MLLT3: variants seen among roughly 807,000 people sequenced by gnomAD.
MLLT3 encodes the protein protein AF-9.
In MLLT3, 4 loss-of-function variants were observed where a neutral mutation model predicts 53.2. The observed-to-expected ratio is 0.08, with a 90% CI of 0.04 to 0.17. MLLT3 has a LOEUF of 0.17. MLLT3 is among the 10% of genes least tolerant of loss of function. The pLI is 1.00. For missense variants in MLLT3, 569 were observed against 684.0 expected (o/e 0.83, Z 1.87); for synonymous variants, 283 against 230.6 (o/e 1.23, Z -2.06).
At chr9:20,347,642 T>C (rs1044481238) in intron 10 of MLLT3, among the ~76,000 whole-genome samples, 4 of 152,162 alleles carry the variant, frequency 2.6e-5, no homozygotes, top group African/African-American at 7.2e-5. Context: ...GGATGCTGTA[T>C]CTGGGCAGTG....
intron 2 of MLLT3, among the ~76,000 whole-genome samples, chr9:20,462,269 A>G (rs954040239): frequency 1.3e-5 from 2 of 152,234 alleles, no homozygotes; most frequent in African/African-American, 4.8e-5. Flanking sequence ...GATTATTCCT[A>G]AAGAACAAAA....
chr9:20,347,361 C>T (rs1820903114), intron 10 of MLLT3, among the ~76,000 whole-genome samples: 1 of 152,032 alleles, frequency 6.6e-6, no homozygotes. Context: ...TTAAGGTATT[C>T]AATTAAATAG....
intron 2 of MLLT3, among the ~76,000 whole-genome samples, chr9:20,506,400 C>T (rs1825382434): frequency 6.6e-6 from 1 of 152,164 alleles, no homozygotes; most frequent in Non-Finnish European, 1.5e-5. Context: ...AGACTGCTGG[C>T]TCTCCCTTTC....
intron 2 of MLLT3, among the ~76,000 whole-genome samples, chr9:20,513,259 T>C (rs1012210979): frequency 4.6e-5 from 7 of 152,202 alleles, no homozygotes; most frequent in African/African-American, 1.7e-4. Flanking sequence ...GTCTGACCTG[T>C]GTCCAGTTTA....
intron 4 of MLLT3, among the ~76,000 whole-genome samples, chr9:20,424,957 A>T (rs1823106803): frequency 6.6e-6 from 1 of 152,172 alleles, no homozygotes; most frequent in African/African-American, 2.4e-5. Context: ...AGCAGGAACT[A>T]TGTGAGTGCT....
chr9:20,509,002 A>G (rs1825452704), intron 2 of MLLT3, among the ~76,000 whole-genome samples: 1 of 152,340 alleles, frequency 6.6e-6, no homozygotes, highest in Admixed American at 6.5e-5. Context: ...AAGGAATTAC[A>G]GGTCAATGTA....
chr9:20,542,977 A>G (rs1403806962), intron 2 of MLLT3, among the ~76,000 whole-genome samples: 3 of 152,170 alleles, frequency 2.0e-5, no homozygotes, highest in African/African-American at 7.2e-5. Flanking sequence ...TCTTTCTTCA[A>G]ATATCATGAA....
At chr9:20,383,202 G>A (rs1397966115) in intron 5 of MLLT3, among the ~76,000 whole-genome samples, 2 of 151,832 alleles carry the variant, frequency 1.3e-5, no homozygotes, top group African/African-American at 4.8e-5. Flanking sequence ...TATATATTAA[G>A]ATGTGTTGGT....
At chr9:20,542,283 G>A (rs925086771) in intron 2 of MLLT3, among the ~76,000 whole-genome samples, 5 of 132,156 alleles carry the variant, frequency 3.8e-5, no homozygotes, top group African/African-American at 5.8e-5. Context: ...TTGCTCTGTC[G>A]CCCAGGCCGG....
intron 2 of MLLT3, among the ~76,000 whole-genome samples, chr9:20,601,948 C>T (rs138757684): frequency 9.9e-5 from 15 of 152,120 alleles, no homozygotes; most frequent in Middle Eastern, 3.4e-3. Flanking sequence ...GCTTGTCCAC[C>T]GGGCTTCAAA....
intron 2 of MLLT3, among the ~76,000 whole-genome samples, chr9:20,534,691 C>A (rs1302150797): frequency 6.6e-6 from 1 of 152,114 alleles, no homozygotes. Context: ...TCGAGACCAT[C>A]CCGGATAACA....
chr9:20,596,307 T>C (rs1820261366), intron 2 of MLLT3, among the ~76,000 whole-genome samples: 1 of 152,228 alleles, frequency 6.6e-6, no homozygotes, highest in Non-Finnish European at 1.5e-5. Flanking sequence ...AACTATGGCA[T>C]TTAATTAAAT....
chr9:20,436,059 T>C (rs1171721674), intron 4 of MLLT3, among the ~76,000 whole-genome samples: 1 of 152,154 alleles, frequency 6.6e-6, no homozygotes, highest in Non-Finnish European at 1.5e-5. Flanking sequence ...TTTTAATATC[T>C]AAGCACTCAA....
chr9:20,480,658 T>C (rs1824639061), intron 2 of MLLT3, among the ~76,000 whole-genome samples: 1 of 152,208 alleles, frequency 6.6e-6, no homozygotes, highest in Admixed American at 6.5e-5. Context: ...AAAAGTATGC[T>C]TCTGTTCACC....
intron 2 of MLLT3, among the ~76,000 whole-genome samples, chr9:20,465,067 C>T (rs1824201258): frequency 6.6e-6 from 1 of 151,920 alleles, no homozygotes; most frequent in Non-Finnish European, 1.5e-5. Flanking sequence ...CTTGAAATTT[C>T]AGAGTTCCTA....
At chr9:20,354,234 A>AG (rs944300251) in intron 9 of MLLT3, among the ~76,000 whole-genome samples, 2 of 152,224 alleles carry the variant, frequency 1.3e-5, no homozygotes, top group African/African-American at 4.8e-5. Flanking sequence ...GAAAGGGGAG[A>AG]GGGGGTACCT....
intron 2 of MLLT3, among the ~76,000 whole-genome samples, chr9:20,482,692 G>C (rs889004039): frequency 7.2e-5 from 11 of 152,282 alleles, no homozygotes; most frequent in African/African-American, 2.6e-4. Flanking sequence ...AAAGGAGAGA[G>C]TGAATAATAC....
intron 5 of MLLT3, among the ~76,000 whole-genome samples, chr9:20,388,871 G>C (rs1301198651): frequency 1.3e-5 from 2 of 152,066 alleles, no homozygotes; most frequent in Non-Finnish European, 2.9e-5. Flanking sequence ...CATTCCAGTG[G>C]GGAGAAAAAC....
intron 10 of MLLT3, among the ~76,000 whole-genome samples, chr9:20,348,890 A>G (rs1250550532): frequency 2.0e-5 from 3 of 152,330 alleles, no homozygotes; most frequent in Non-Finnish European, 4.4e-5. Flanking sequence ...TGTCAATCAT[A>G]TACTTACTAT....
Sources: allele counts gnomAD v4.1 joint callset (sites outside exome capture counted in the v4.1 genomes callset), GRCh38; gene constraint gnomAD v4.1.1; transcripts MANE v1.5; gene names NCBI Gene and HGNC (gene_info 2026-07-23, HGNC 2026-07-21).